The following SGPP2 variants were observed in gnomAD, a reference collection of about 807,000 sequenced individuals.
SGPP2 encodes sphingosine-1-phosphate phosphatase 2.
A neutral mutation model predicts 33.9 loss-of-function variants in SGPP2; 30 were observed. That is an observed-to-expected ratio of 0.89 (90% CI 0.66 to 1.20). The LOEUF (loss-of-function observed/expected upper bound fraction) is 1.20. SGPP2 is among the 50% of genes most tolerant of loss of function. The pLI is 0.00. For missense variants in SGPP2, 458 were observed against 532.1 expected (o/e 0.86, Z 1.37); for synonymous variants, 233 against 225.0 (o/e 1.04, Z -0.32).
intron 4 of SGPP2, among the ~76,000 whole-genome samples, chr2:222,527,503 A>G (rs901656085): frequency 2.0e-5 from 3 of 152,198 alleles, no homozygotes; most frequent in South Asian, 2.1e-4. Context: ...GAAGCTTCCC[A>G]TGGGGTTTGA....
intron 1 of SGPP2, among the ~76,000 whole-genome samples, chr2:222,450,455 T>G (rs1009411): frequency 0.77 from 116,909 of 152,096 alleles, 45,084 homozygotes; most frequent in Middle Eastern, 0.89. Flanking sequence ...TACAGATATT[T>G]TTAGTTTCTA....
chr2:222,441,160 G>A (rs563365191), intron 1 of SGPP2, among the ~76,000 whole-genome samples: 2 of 152,154 alleles, frequency 1.3e-5, no homozygotes, highest in African/African-American at 2.4e-5. Flanking sequence ...ATTCTCAATG[G>A]TGAGGCCCAG....
rs765701475 is a variant in SGPP2, at chr2:222,525,014, C to A, written c.629C>A (p.Thr210Asn). The A allele has an allele frequency of 6.8e-6, 11 of 1,613,896 alleles. No homozygotes were observed. Among genetic ancestry groups the A allele is most frequent in the East Asian group, 2.2e-5 (1 of 44,892 alleles). Residue 210 changes from threonine to asparagine, a missense_variant, in exon 4 of 5, where the codon ACT (threonine) becomes AAT (asparagine). Transcript: ENST00000321276. ...TTGGTGTGTCTCAGCAGGCTCTACA[C>A]TGGGATGCATACGGTCCTGGTAAGG... ...STLVCLSRLY[T>N]GMHTVLDVLG...
In SGPP2 at chr2:222,477,401, GTATA is replaced by G. The variant is rs974062407; in HGVS notation, c.378+2679_378+2682del. 6.6e-5 allele frequency among the ~76,000 whole-genome samples: 10 copies of G among 151,366 alleles called. No individual in the cohort carries two copies. The highest frequency in any genetic ancestry group is 3.2e-3 in the Middle Eastern group (1 of 314). ...GGTGTGTATATATGTGTATAGGTGT[GTATA>G]TATGTGTGTTTATAGGTATGTATAT... On this transcript the variant is annotated intron_variant, in intron 2 of 4. Coordinates refer to ENST00000321276, the MANE Select transcript of SGPP2 (RefSeq NM_152386.4). This position sits in a 1 kb window ranked among gnomAD's most constrained non-coding sequence, Gnocchi z 6.0.
intron 2 of SGPP2, among the ~76,000 whole-genome samples, chr2:222,483,702 A>G (rs943459721): frequency 4.6e-5 from 7 of 152,218 alleles, no homozygotes; most frequent in African/African-American, 1.7e-4. Context: ...GGAGTCTGTC[A>G]CCTGGTTAAA....
intron 1 of SGPP2, among the ~76,000 whole-genome samples, chr2:222,472,302 A>G (rs950874865): frequency 1.3e-5 from 2 of 152,100 alleles, no homozygotes; most frequent in South Asian, 2.1e-4. Flanking sequence ...GGCAGGTTGT[A>G]TTGCAGTTGA....
upstream of SGPP2, among the ~76,000 whole-genome samples, chr2:222,424,231 G>A (rs957562579): frequency 7.5e-5 from 11 of 146,200 alleles, no homozygotes; most frequent in African/African-American, 2.8e-4. Flanking sequence ...GCGCTCGGCC[G>A]CTCCCATTAG....
chr2:222,424,856 G>T (rs936872965), intron 1 of SGPP2, 35 bp downstream of exon 1: 26 of 1,295,402 alleles, frequency 2.0e-5, no homozygotes, highest in Non-Finnish European at 2.4e-5. Flanking sequence ...GGTACGGGGA[G>T]GGGGCGGCTG....
intron 1 of SGPP2, among the ~76,000 whole-genome samples, chr2:222,443,100 G>A (rs902094987): frequency 6.6e-6 from 1 of 152,146 alleles, no homozygotes; most frequent in Non-Finnish European, 1.5e-5. Context: ...TCTTAAAATT[G>A]GAAATGTTAC....
chr2:222,558,205 C>G (rs1457745266), intron 4 of SGPP2, 142 bp from the exon 5 acceptor site: 1 of 931,896 alleles, frequency 1.1e-6, no homozygotes, highest in East Asian at 2.6e-5. Flanking sequence ...GAACTTTACA[C>G]TTTCTTTGAA....
At chr2:222,427,840 A>G (rs1697095565) in intron 1 of SGPP2, among the ~76,000 whole-genome samples, 1 of 152,162 alleles carries the variant, frequency 6.6e-6, no homozygotes, top group South Asian at 2.1e-4. Flanking sequence ...ACAAGTTCTC[A>G]TTACACCACA....
Position 222,558,460 on chromosome 2 carries a change from A to C in SGPP2, c.762A>C (p.Ile254=). ...SASPLFPVCV[I]VVPFFLCYNY... ...GCCCCCTCTTCCCCGTGTGTGTCAT[A>C]GTTGTGCCATTCTTCCTGTGTTACA... The change falls in exon 5 of 5, where the codon ATA becomes ATC. Residue 254 remains isoleucine (I), a synonymous_variant. Coordinates refer to ENST00000321276, the MANE Select transcript of SGPP2 (RefSeq NM_152386.4). 6.2e-7 allele frequency: 1 copy of C among 1,614,080 alleles called. No individual in the cohort carries two copies. Among genetic ancestry groups the C allele is most frequent in the Non-Finnish European group, 8.5e-7 (1 of 1,180,026 alleles).
chr2:222,461,012 T>C (rs761257883), intron 1 of SGPP2, among the ~76,000 whole-genome samples: 4 of 152,176 alleles, frequency 2.6e-5, no homozygotes, highest in Non-Finnish European at 5.9e-5. Context: ...TCCTCCTGCC[T>C]TCCAAAGTGC....
At chr2:222,473,690 C>A (rs532542359) in intron 1 of SGPP2, among the ~76,000 whole-genome samples, 1 of 152,050 alleles carries the variant, frequency 6.6e-6, no homozygotes, top group East Asian at 1.9e-4. Flanking sequence ...TTTGGGAGGC[C>A]GAGGTGGGTG....
intron 2 of SGPP2, among the ~76,000 whole-genome samples, chr2:222,498,953 A>G (rs1485024666): frequency 6.6e-6 from 1 of 152,262 alleles, no homozygotes; most frequent in African/African-American, 2.4e-5. Flanking sequence ...TATGGAAACC[A>G]GTATTTCTCA....
In SGPP2 at chr2:222,471,191, T is replaced by A. The variant is rs139977596; in HGVS notation, c.220-3377T>A. Among the ~76,000 whole-genome samples the A allele has an allele frequency of 3.1e-4, 47 of 152,310 alleles. No homozygotes were observed. In the East Asian group the frequency reaches 8.5e-3, roughly 27 times the overall value. ...CTGACCAGTAACTGTCTCCCGGTAGTCCTGTGCACTGCTCGGCTTGAGACT... is the reference window on the plus strand; with the variant it reads ...CTGACCAGTAACTGTCTCCCGGTAGACCTGTGCACTGCTCGGCTTGAGACT... On this transcript the variant is annotated intron_variant, in intron 1 of 4. Coordinates refer to ENST00000321276, the MANE Select transcript of SGPP2 (RefSeq NM_152386.4).
At position 222,555,326 on chromosome 2, in the gene SGPP2, C is replaced by T. The variant is rs74342551; in HGVS notation, c.649-3021C>T. ...ATGCATGTACCATTATTTGTGGGAACATAAGTTTTAATTTCTCCCTAGCAT... is the reference window on the plus strand; with the variant it reads ...ATGCATGTACCATTATTTGTGGGAATATAAGTTTTAATTTCTCCCTAGCAT... On this transcript the variant is annotated intron_variant, in intron 4 of 4. Coordinates refer to ENST00000321276, the MANE Select transcript of SGPP2 (RefSeq NM_152386.4). Among the ~76,000 whole-genome samples the T allele has an allele frequency of 7.6e-3, 1,150 of 151,822 alleles. 13 individuals carry two copies. The highest frequency in any genetic ancestry group is 0.027 in the African/African-American group (1,105 of 41,410).
Position 222,535,592 on chromosome 2 carries a change from G to A in SGPP2, c.648+10559G>A, listed in dbSNP as rs541436402. On this transcript the variant is annotated intron_variant, in intron 4 of 4. Coordinates refer to ENST00000321276, the MANE Select transcript of SGPP2 (RefSeq NM_152386.4). ...GTGGCAGAGAGCCACAGTCGAAAGG[G>A]CTGGAGCAGGCACTGGGTCCATCTG... is the stretch of plus-strand genomic sequence containing the variant. 6.6e-5 allele frequency among the ~76,000 whole-genome samples: 10 copies of A among 152,318 alleles called. No homozygotes were observed. In the South Asian group the frequency reaches 2.1e-3, roughly 32 times the overall value.
At position 222,460,737 on chromosome 2, in the gene SGPP2, C is replaced by G. The variant is rs1160710950; in HGVS notation, c.220-13831C>G. ...ACACCCTGGCTGCTCTGTCGTGGAC[C>G]AGGTACTGTTTCAGGAACACGGTGC... On this transcript the variant is annotated intron_variant, in intron 1 of 4. Coordinates refer to ENST00000321276, the MANE Select transcript of SGPP2 (RefSeq NM_152386.4). This position sits in a 1 kb window ranked among gnomAD's most constrained non-coding sequence, Gnocchi z 4.3. 1.3e-5 allele frequency among the ~76,000 whole-genome samples: 2 copies of G among 152,160 alleles called. No homozygotes were observed. The highest frequency in any genetic ancestry group is 2.1e-4 in the South Asian group (1 of 4,824).
Sources: allele counts gnomAD v4.1 joint callset (sites outside exome capture counted in the v4.1 genomes callset), GRCh38; gene constraint gnomAD v4.1.1; non-coding constraint Gnocchi (gnomAD v3.1); transcripts MANE v1.5; gene names NCBI Gene and HGNC (gene_info 2026-07-23, HGNC 2026-07-21).